The following ARID1B variants were observed in gnomAD, a reference collection of about 807,000 sequenced individuals.
The protein encoded by ARID1B is AT-rich interaction domain 1B.
Under a neutral mutation model 212.3 loss-of-function variants are expected in ARID1B, and 30 were observed. That is an observed-to-expected ratio of 0.14 (90% CI 0.11 to 0.19). The LOEUF (loss-of-function observed/expected upper bound fraction) is 0.19, where lower values mean the gene tolerates loss of function less well. ARID1B is among the 10% of genes least tolerant of loss of function. The pLI, the probability that ARID1B is intolerant of heterozygous loss-of-function variation, is 1.00. For missense variants in ARID1B, 2,891 were observed against 3,204.0 expected (o/e 0.90, Z 2.36); for synonymous variants, 1,402 against 1,301.7 (o/e 1.08, Z -1.66).
chr6:156,935,367 A>G (rs910623837), intron 3 of ARID1B, 99 bp from the exon 4 acceptor site: 8 of 1,027,274 alleles, frequency 7.8e-6, no homozygotes, highest in Non-Finnish European at 1.2e-5. Context: ...GGCATGAGCC[A>G]CTGTGCCCAG....
chr6:156,854,457 C>T (rs1008429568), intron 2 of ARID1B, among the ~76,000 whole-genome samples: 5 of 152,220 alleles, frequency 3.3e-5, no homozygotes, highest in Admixed American at 1.3e-4. Context: ...GGGGCTTGTC[C>T]TGGAGCAGAG....
intron 7 of ARID1B, among the ~76,000 whole-genome samples, chr6:157,134,172 G>A (rs1292853862): frequency 1.3e-5 from 2 of 152,118 alleles, no homozygotes; most frequent in African/African-American, 2.4e-5. Flanking sequence ...CTGGTGTAGC[G>A]CCTTAGTATT....
rs797045268 is a variant in ARID1B at position 156,778,982 on chromosome 6, A to AGGCGGCGGC, written c.1312_1320dup (p.Gly438_Gly440dup). ...CCGCGGCGGCGGCGGCAGCAGCAGG[A>AGGCGGCGGC]GGCGGCGGCGGCGGCGGCTATGGGG... On this transcript the variant is annotated inframe_insertion, in exon 1 of 20. Coordinates refer to ENST00000636930, the MANE Select transcript of ARID1B (RefSeq NM_001374828.1). 4.0e-6 allele frequency: 5 copies of AGGCGGCGGC among 1,262,734 alleles called. No individual in the cohort carries two copies. Among genetic ancestry groups the AGGCGGCGGC allele is most frequent in the African/African-American group, 3.4e-5 (2 of 59,500 alleles). 78.2% of individuals were successfully genotyped at this position (1,262,734 alleles called of 1,614,324 possible). A position where few individuals can be genotyped will look rare whatever the true frequency, so the allele number is the denominator to read the frequency against.
chr6:156,870,408 C>T (rs1324717355), intron 2 of ARID1B: 1 of 152,206 alleles, frequency 6.6e-6, no homozygotes. Flanking sequence ...TAACCAGATC[C>T]TGAACACAAA....
intron 2 of ARID1B, among the ~76,000 whole-genome samples, chr6:156,896,737 G>T (rs1282792937): frequency 6.6e-6 from 1 of 152,018 alleles, no homozygotes; most frequent in Non-Finnish European, 1.5e-5. Context: ...AAATTAGCCT[G>T]GCGTGGTGGC....
chr6:157,076,759 G>C (rs1784338418), intron 4 of ARID1B, among the ~76,000 whole-genome samples: 1 of 152,100 alleles, frequency 6.6e-6, no homozygotes. Flanking sequence ...GGTCTTGTTA[G>C]TTTGTCAATT....
intron 2 of ARID1B, chr6:156,871,741 C>G: frequency 6.9e-7 from 1 of 1,450,948 alleles, no homozygotes; most frequent in African/African-American, 1.4e-5. Flanking sequence ...GTGTTGTTCC[C>G]CTCCTGCAGG....
chr6:157,103,248 CT>C (rs11414349), intron 5 of ARID1B, among the ~76,000 whole-genome samples: 4 of 150,060 alleles, frequency 2.7e-5, no homozygotes, highest in Admixed American at 2.0e-4. Flanking sequence ...ATTAGCCATA[CT>C]TTTTTTTTTC....
At position 157,110,544 on chromosome 6, in the gene ARID1B, C is replaced by G; in HGVS notation, c.2564C>G (p.Pro855Arg). The change falls in exon 6 of 20, where the codon CCA becomes CGA. Residue 855 changes from proline (P) to arginine (R), a missense_variant. Coordinates refer to ENST00000636930, the MANE Select transcript of ARID1B (RefSeq NM_001374828.1). ...TCCCATCCCGCCTTGAGCCAGTCAC[C>G]AATGCCACAGGAAAGAGGTTCGTCT... ...SSSHPALSQS[P>R]MPQERGFMAG... The G allele has an allele frequency of 1.2e-6, 2 of 1,614,180 alleles. No homozygotes were observed. The highest frequency in any genetic ancestry group is 1.7e-6 in the Non-Finnish European group (2 of 1,180,034).
chr6:156,975,613 C>CTTTT lies in ARID1B; in HGVS notation c.2247+40051_2247+40054dup, dbSNP rs367797338. On this transcript the variant is annotated intron_variant, in intron 4 of 19. Transcript: ENST00000636930. ...TTTAGTTTGACTGTATTTTTTTTTTCTTTTTTTTTTTTTTTTTCAGTTCCT... is the reference window on the plus strand; with the variant it reads ...TTTAGTTTGACTGTATTTTTTTTTTCTTTTTTTTTTTTTTTTTTTTTCAGTTCCT... Among the ~76,000 whole-genome samples, 501 of 110,832 alleles carry CTTTT rather than the reference C, an allele frequency of 4.5e-3. 8 individuals carry two copies. Among genetic ancestry groups the CTTTT allele is most frequent in the African/African-American group, 0.017 (484 of 29,002 alleles). The allele number at this position is 110,832 out of a possible 152,430, so 72.7% of individuals were successfully genotyped here. A position where few individuals can be genotyped will look rare whatever the true frequency, so the allele number is the denominator to read the frequency against.
At chr6:156,920,862 T>TTTC (rs1790724038) in intron 3 of ARID1B, among the ~76,000 whole-genome samples, 1 of 135,244 alleles carries the variant, frequency 7.4e-6, no homozygotes, top group African/African-American at 2.9e-5. Flanking sequence ...TTTTCTTTTC[T>TTTC]TTTTTTTTTT....
chr6:156,818,020 A>G (rs1386604063), intron 1 of ARID1B, among the ~76,000 whole-genome samples: 1 of 151,526 alleles, frequency 6.6e-6, no homozygotes, highest in Non-Finnish European at 1.5e-5. Flanking sequence ...CTGTTGTCCT[A>G]ATAGCATCTA....
chr6:156,916,498 A>G (rs1307948985), intron 3 of ARID1B, among the ~76,000 whole-genome samples: 1 of 152,124 alleles, frequency 6.6e-6, no homozygotes, highest in Non-Finnish European at 1.5e-5. Context: ...CTTCCATTTT[A>G]AAGTATTTTT....
At chr6:157,026,466 A>G (rs6916367) in intron 4 of ARID1B, among the ~76,000 whole-genome samples, 7,750 of 152,254 alleles carry the variant, frequency 0.051, 342 homozygotes, top group African/African-American at 0.12. Context: ...TAAAGCAGCA[A>G]CAGATCAAGA....
At chr6:157,042,121 G>A (rs140402694) in intron 4 of ARID1B, among the ~76,000 whole-genome samples, 35 of 152,174 alleles carry the variant, frequency 2.3e-4, no homozygotes, top group African/African-American at 7.7e-4. Context: ...AATACCCCAC[G>A]TTACACCTTC....
chr6:156,973,504 G>T (rs1322507993), intron 4 of ARID1B, among the ~76,000 whole-genome samples: 1 of 152,086 alleles, frequency 6.6e-6, no homozygotes, highest in African/African-American at 2.4e-5. Context: ...CTCATCTTCT[G>T]CATGTCTTTT....
rs2115000550 is a variant in ARID1B, at chr6:156,779,268, C to G, written c.1588C>G (p.Pro530Ala). Reference protein sequence around the residue: ...YPEYSSPSAPPPPPSQPQSQA... With the variant: ...YPEYSSPSAPAPPPSQPQSQA... ...CGAGTACAGCAGCCCCAGCGCGCCG[C>G]CGCCGCCGCCGTCGCAGCCCCAGTC... Residue 530 changes from proline to alanine, a missense_variant, in exon 1 of 20, where the codon CCG becomes GCG. Coordinates refer to ENST00000636930, the MANE Select transcript of ARID1B (RefSeq NM_001374828.1). 8.7e-7 allele frequency: 1 copy of G among 1,152,388 alleles called. No individual in the cohort carries two copies. Among genetic ancestry groups the G allele is most frequent in the Admixed American group, 3.8e-5 (1 of 26,442 alleles). The allele number at this position is 1,152,388 out of a possible 1,614,324, so 71.4% of individuals were successfully genotyped here.
At chr6:156,942,126 T>A (rs919913071) in intron 4 of ARID1B, 3 of 152,146 alleles carry the variant, frequency 2.0e-5, no homozygotes, top group African/African-American at 7.2e-5. Flanking sequence ...AATTAGTTCC[T>A]AAAAAATTAA....
Position 157,148,581 on chromosome 6 carries a change from A to G in ARID1B, c.2762-43A>G. 1 of 1,554,872 alleles carries G rather than the reference A, an allele frequency of 6.4e-7. No individual in the cohort carries two copies. Among genetic ancestry groups the G allele is most frequent in the Non-Finnish European group, 8.7e-7 (1 of 1,143,362 alleles). On this transcript the variant is annotated intron_variant, in intron 7 of 19. Coordinates refer to ENST00000636930, the MANE Select transcript of ARID1B (RefSeq NM_001374828.1). The surrounding 1 kb of genome is among the most constrained non-coding windows in gnomAD (Gnocchi z 5.6). ...AGTATTTCCAGTGAATGTTGTCACA[A>G]GTTTAAATAAAAGGCTTTACTTTGT... is the stretch of plus-strand genomic sequence containing the variant.
Sources: allele counts gnomAD v4.1 joint callset (sites outside exome capture counted in the v4.1 genomes callset), GRCh38; gene constraint gnomAD v4.1.1; non-coding constraint Gnocchi (gnomAD v3.1); transcripts MANE v1.5; gene names NCBI Gene and HGNC (gene_info 2026-07-23, HGNC 2026-07-21).